The following PAX5 variants were observed in gnomAD, a reference collection of about 807,000 sequenced individuals.
PAX5 encodes the protein paired box 5.
PAX5 carries 9 observed loss-of-function variants against 43.7 expected under a neutral mutation model. The ratio of observed to expected loss-of-function variants is 0.21; its 90% CI spans 0.12 to 0.36. The LOEUF is 0.36. PAX5 is among the 10% of genes least tolerant of loss of function. The pLI is 1.00. For missense variants in PAX5, 383 were observed against 532.7 expected (o/e 0.72, Z 2.77); for synonymous variants, 228 against 214.3 (o/e 1.06, Z -0.56).
chr9:36,962,918 CAGGCGAGGCCTGTG>C (rs959709621), intron 6 of PAX5, among the ~76,000 whole-genome samples: 3 of 152,250 alleles, frequency 2.0e-5, no homozygotes, highest in African/African-American at 7.2e-5. Context: ...CTGGGGCTCA[CAGGCGAGGCCTGTG>C]GAACATTCAC....
intron 8 of PAX5, among the ~76,000 whole-genome samples, chr9:36,880,628 T>C (rs1411186088): frequency 6.6e-6 from 1 of 152,248 alleles, no homozygotes; most frequent in Non-Finnish European, 1.5e-5. Context: ...AGTGGCACGA[T>C]CTTGGCTCAC....
At position 37,033,762 on chromosome 9, in the gene PAX5, G is replaced by T. The variant is rs570256556; in HGVS notation, c.46+224C>A. Among the ~76,000 whole-genome samples, 57 of 152,328 alleles carry T rather than the reference G, an allele frequency of 3.7e-4. 1 individual carries two copies. The highest frequency in any genetic ancestry group is 1.3e-3 in the African/African-American group (54 of 41,564). On this transcript the variant is annotated intron_variant, in intron 1 of 9. Transcript: ENST00000358127. Reference sequence around the variant, plus strand: ...CAGACCCCCGGAAGGACGCCAGCGTGAACATTCAGAAACAGAGAAAAACAC... The same window carrying T: ...CAGACCCCCGGAAGGACGCCAGCGTTAACATTCAGAAACAGAGAAAAACAC...
intron 4 of PAX5, among the ~76,000 whole-genome samples, chr9:37,003,497 G>C (rs1040406116): frequency 6.6e-6 from 1 of 152,184 alleles, no homozygotes; most frequent in Non-Finnish European, 1.5e-5. Flanking sequence ...TATTGGAAAG[G>C]TAAAACTCAG....
chr9:36,853,829 C>T (rs980113022), intron 8 of PAX5, among the ~76,000 whole-genome samples: 1 of 152,256 alleles, frequency 6.6e-6, no homozygotes, highest in Non-Finnish European at 1.5e-5. Context: ...GCTTCCCCTT[C>T]GCTCAAAGCT....
chr9:36,943,612 AG>A (rs1473108604), intron 6 of PAX5, among the ~76,000 whole-genome samples: 34 of 151,932 alleles, frequency 2.2e-4, no homozygotes, highest in Non-Finnish European at 4.4e-4. Flanking sequence ...AGAAGGCCTA[AG>A]GATCACTGTG....
chr9:36,952,582 CAACTG>C (rs757471251), intron 6 of PAX5, among the ~76,000 whole-genome samples: 2 of 152,138 alleles, frequency 1.3e-5, no homozygotes, highest in Non-Finnish European at 2.9e-5. Context: ...TCTCTGGTTT[CAACTG>C]AACGTGTCAT....
chr9:36,852,282 A>G, intron 8 of PAX5, among the ~76,000 whole-genome samples: 1 of 152,152 alleles, frequency 6.6e-6, no homozygotes, highest in Non-Finnish European at 1.5e-5. Flanking sequence ...AAACCCAGTG[A>G]CAGAAAGAAA....
chr9:36,894,126 C>G (rs75934648), intron 7 of PAX5, among the ~76,000 whole-genome samples: 1 of 152,116 alleles, frequency 6.6e-6, no homozygotes, highest in Non-Finnish European at 1.5e-5. Flanking sequence ...CCAAACTGGC[C>G]GGTGAACATG....
chr9:36,992,567 G>A (rs1274218149), intron 5 of PAX5, among the ~76,000 whole-genome samples: 3 of 152,198 alleles, frequency 2.0e-5, no homozygotes, highest in South Asian at 4.1e-4. Flanking sequence ...ATGTCTTTCC[G>A]TGGGAGCTCA....
At chr9:36,993,138 C>G (rs1335400336) in intron 5 of PAX5, among the ~76,000 whole-genome samples, 1 of 152,216 alleles carries the variant, frequency 6.6e-6, no homozygotes, top group African/African-American at 2.4e-5. Flanking sequence ...GTGAATACAG[C>G]AGCAGCTATG....
At chr9:36,851,161 A>G (rs1189909905) in intron 8 of PAX5, among the ~76,000 whole-genome samples, 1 of 152,238 alleles carries the variant, frequency 6.6e-6, no homozygotes, top group Non-Finnish European at 1.5e-5. Flanking sequence ...GGCAAGAAGT[A>G]AGTGAAAGAA....
At chr9:36,897,962 A>G (rs1382486425) in intron 7 of PAX5, among the ~76,000 whole-genome samples, 1 of 152,170 alleles carries the variant, frequency 6.6e-6, no homozygotes, top group African/African-American at 2.4e-5. Flanking sequence ...CAGAAATCCG[A>G]CTTCACAGAA....
At chr9:36,850,279 G>T (rs1587748469) in intron 8 of PAX5, among the ~76,000 whole-genome samples, 1 of 152,252 alleles carries the variant, frequency 6.6e-6, no homozygotes, top group Non-Finnish European at 1.5e-5. Context: ...GCCAGAATCT[G>T]GAGGACAGGC....
intron 5 of PAX5, among the ~76,000 whole-genome samples, chr9:36,980,489 G>T (rs1246551882): frequency 1.3e-5 from 2 of 152,092 alleles, no homozygotes; most frequent in African/African-American, 4.8e-5. Context: ...CTGCCTCCCA[G>T]ACAAAATGAC....
chr9:36,995,726 G>A (rs762241916), intron 5 of PAX5, among the ~76,000 whole-genome samples: 5 of 152,106 alleles, frequency 3.3e-5, no homozygotes, highest in African/African-American at 4.8e-5. Context: ...ATGACGGAGC[G>A]GGGCGTCTCA....
chr9:36,934,992 G>A (rs1295519114), intron 6 of PAX5, among the ~76,000 whole-genome samples: 3 of 152,182 alleles, frequency 2.0e-5, no homozygotes, highest in African/African-American at 7.2e-5. Context: ...GTGATGTCAA[G>A]GTGCTTTTAT....
At chr9:36,965,570 T>C (rs553825440) in intron 6 of PAX5, among the ~76,000 whole-genome samples, 7 of 152,300 alleles carry the variant, frequency 4.6e-5, no homozygotes, top group Admixed American at 4.6e-4. Context: ...CGCCTCTCCA[T>C]GGGAGCTGTG....
intron 6 of PAX5, among the ~76,000 whole-genome samples, chr9:36,964,816 G>T (rs1308915944): frequency 6.6e-6 from 1 of 152,072 alleles, no homozygotes; most frequent in Non-Finnish European, 1.5e-5. Flanking sequence ...GAGTGTGTGG[G>T]GGCGGCTATG....
chr9:36,921,659 C>T (rs1830178335), intron 7 of PAX5, among the ~76,000 whole-genome samples: 2 of 152,230 alleles, frequency 1.3e-5, no homozygotes, highest in Admixed American at 1.3e-4. Context: ...TCAGTAAGTG[C>T]TCAGTGAAGT....
Sources: gnomAD v4.1 joint callset for allele counts (sites outside exome capture counted in the v4.1 genomes callset) on GRCh38, gnomAD v4.1.1 for gene constraint, MANE v1.5 for transcripts, NCBI Gene and HGNC (gene_info 2026-07-23, HGNC 2026-07-21) for gene names.